Variants in DST observed in about 807,000 individuals in gnomAD.
The protein encoded by DST is bullous pemphigoid antigen.
DST carries 253 observed loss-of-function variants against 875.2 expected under a neutral mutation model. The ratio of observed to expected loss-of-function variants is 0.29; its 90% CI spans 0.26 to 0.32. The LOEUF is 0.32. DST is among the 10% of genes least tolerant of loss of function. DST has a pLI of 1.00. For missense variants in DST, 8,287 were observed against 9,111.6 expected (o/e 0.91, Z 3.68); for synonymous variants, 3,124 against 3,197.1 (o/e 0.98, Z 0.77).
intron 66 of DST, among the ~76,000 whole-genome samples, chr6:56,529,184 T>C (rs1005686853): frequency 2.6e-5 from 4 of 152,222 alleles, no homozygotes; most frequent in Admixed American, 6.5e-5. Flanking sequence ...ATGGGCTTTG[T>C]GGACATACTG....
Position 56,916,811 on chromosome 6 carries a change from C to G in DST, c.217-16190G>C, listed in dbSNP as rs532843976. Among the ~76,000 whole-genome samples, 38 of 149,508 alleles carry G rather than the reference C, an allele frequency of 2.5e-4. 2 individuals are homozygous for G. The South Asian group carries it at 8.2e-3, about 32-fold the overall frequency. ...ACACACACACACACACACACACACA[C>G]ACACACACACACAGAGAGACAGAGA... On this transcript the variant is annotated intron_variant, in intron 2 of 103. Coordinates refer to ENST00000680361, the MANE Select transcript of DST (RefSeq NM_001374736.1).
intron 9 of DST, among the ~76,000 whole-genome samples, chr6:56,687,809 G>A (rs936928494): frequency 6.6e-6 from 1 of 150,624 alleles, no homozygotes; most frequent in East Asian, 1.9e-4. Flanking sequence ...GTGTGAAAAT[G>A]CTTCACAAAA....
chr6:56,544,128 T>G (rs531593934), intron 61 of DST, among the ~76,000 whole-genome samples: 1 of 152,312 alleles, frequency 6.6e-6, no homozygotes, highest in Admixed American at 6.5e-5. Context: ...AAGGCACTGA[T>G]AAGAGAAAGA....
In DST at chr6:56,501,600, C is replaced by T; in HGVS notation, c.19660G>A (p.Asp6554Asn). The T allele has an allele frequency of 6.2e-7, 1 of 1,609,018 alleles. No individual in the cohort carries two copies. Among genetic ancestry groups the T allele is most frequent in the Non-Finnish European group, 8.5e-7 (1 of 1,177,758 alleles). Residue 6554 changes from aspartate (D) to asparagine (N), a missense_variant, in exon 79 of 104, where the codon GAC becomes AAC. By Grantham distance (23) the Asp-to-Asn change is conservative (BLOSUM62 1). Around this residue, in one of 10 missense-constraint regions of DST, gnomAD observed 1,292 missense variants for 1,552.7 expected, o/e 0.83. Coordinates refer to ENST00000680361, the MANE Select transcript of DST (RefSeq NM_001374736.1). ...LLLKKVTEES[D>N]KHTVQDPLME... ...AATGGGTCTTGAACAGTGTGTTTGT[C>T]ACTCTCTTCTGTTACTTTCTTTAGC...
At position 56,779,565 on chromosome 6, in the gene DST, GGT is replaced by G. The variant is rs2099687545; in HGVS notation, c.626-44278_626-44277del. Among the ~76,000 whole-genome samples the G allele has an allele frequency of 3.3e-5, 5 of 151,980 alleles. No homozygotes were observed. In the South Asian group the frequency reaches 1.0e-3, roughly 32 times the overall value. ...CCATCTTGAATTAATTTTTGTATAA[GGT>G]GTAAGGAAGGGATCCAGTTTCAGCT... On this transcript the variant is annotated intron_variant, in intron 4 of 103. Transcript: ENST00000680361.
intron 72 of DST, 107 bp from the exon 73 acceptor site, chr6:56,511,507 T>TC: frequency 3.5e-6 from 3 of 849,456 alleles, no homozygotes; most frequent in Non-Finnish European, 5.5e-6. Flanking sequence ...AACAAACCCC[T>TC]CCCCATCACA....
At chr6:56,483,220 A>G (rs1206641697) in intron 88 of DST, among the ~76,000 whole-genome samples, 1 of 152,202 alleles carries the variant, frequency 6.6e-6, no homozygotes, top group Non-Finnish European at 1.5e-5. Flanking sequence ...TCCTTTTCTT[A>G]ATGATTCTTT....
intron 36 of DST, chr6:56,616,721 A>T: frequency 6.2e-7 from 1 of 1,614,196 alleles, no homozygotes; most frequent in Non-Finnish European, 8.5e-7. Context: ...CCCACTGGCA[A>T]TCTGGGCTTC....
intron 9 of DST, chr6:56,693,229 T>G (rs1170556813): frequency 2.5e-6 from 3 of 1,204,694 alleles, no homozygotes. Context: ...CCATTAAGTC[T>G]GAAAATTCCA....
At chr6:56,934,071 T>A (rs917017115) in intron 2 of DST, among the ~76,000 whole-genome samples, 5 of 152,140 alleles carry the variant, frequency 3.3e-5, no homozygotes. Flanking sequence ...CTCACCATGC[T>A]GCTCAGGCTG....
At chr6:56,496,951 G>A (rs1031912480) in intron 82 of DST, among the ~76,000 whole-genome samples, 1 of 151,996 alleles carries the variant, frequency 6.6e-6, no homozygotes, top group African/African-American at 2.4e-5. Context: ...ACTCATAGGT[G>A]GGAACTGAAC....
chr6:56,651,556 A>G (rs2098975928), intron 10 of DST, among the ~76,000 whole-genome samples: 1 of 152,250 alleles, frequency 6.6e-6, no homozygotes, highest in South Asian at 2.1e-4. Context: ...CGCTACTCCA[A>G]CAGCATCTTT....
At chr6:56,578,724 T>C in intron 50 of DST, 90 bp downstream of exon 50, 1 of 1,353,942 alleles carries the variant, frequency 7.4e-7, no homozygotes, top group Admixed American at 2.0e-5. Context: ...ACACAATCTA[T>C]AACTAGTGAA....
intron 4 of DST, among the ~76,000 whole-genome samples, chr6:56,790,786 T>C (rs184583471): frequency 1.3e-5 from 2 of 152,328 alleles, no homozygotes; most frequent in Admixed American, 6.5e-5. Context: ...CAGTTTGTAC[T>C]GGACCATAAA....
intron 2 of DST, among the ~76,000 whole-genome samples, chr6:56,919,558 A>C (rs1473741908): frequency 6.6e-6 from 1 of 152,188 alleles, no homozygotes; most frequent in East Asian, 1.9e-4. Context: ...AAGAACCCTA[A>C]GTACCTATCA....
At chr6:56,844,285 G>A (rs2099804556) in intron 4 of DST, among the ~76,000 whole-genome samples, 1 of 152,282 alleles carries the variant, frequency 6.6e-6, no homozygotes, top group Admixed American at 6.5e-5. Flanking sequence ...CCCGGCCGCC[G>A]CGAGGCTGCC....
chr6:56,546,377 T>TATATAA (rs2152543044), intron 61 of DST, among the ~76,000 whole-genome samples: 1 of 134,448 alleles, frequency 7.4e-6, no homozygotes, highest in East Asian at 2.3e-4. Flanking sequence ...TATATATATA[T>TATATAA]ATATATATAT....
At position 56,601,533 on chromosome 6, in the gene DST, C is replaced by T; in HGVS notation, c.11451G>A (p.Lys3817=). The stretch of plus-strand genomic sequence containing the variant: ...CTGACTCCTGTACATCAAGAAAACA[C>T]TTCTGAGTTGTATTTAAGAGCCTCA... ...QLLRLLNTTQ[K]CFLDVQESVT... The change falls in exon 44 of 104, where the codon AAG becomes AAA. Residue 3817 remains lysine (K), a synonymous_variant. Coordinates refer to ENST00000680361, the MANE Select transcript of DST (RefSeq NM_001374736.1). The T allele has an allele frequency of 6.2e-7, 1 of 1,606,110 alleles. No homozygotes were observed. The highest frequency in any genetic ancestry group is 8.5e-7 in the Non-Finnish European group (1 of 1,176,452).
rs570042320 is a variant in DST at position 56,621,826 on chromosome 6, T to A, written c.4929+2704A>T. Among the ~76,000 whole-genome samples, 9 of 152,342 alleles carry A rather than the reference T, an allele frequency of 5.9e-5. No individual in the cohort carries two copies. The South Asian group carries it at 1.7e-3, about 28-fold the overall frequency. ...GAAATTATTTTAGACAGATTTGTTTTCATTGAGAAGCTTTGGTGAATTTCA... is the reference window on the plus strand; with the variant it reads ...GAAATTATTTTAGACAGATTTGTTTACATTGAGAAGCTTTGGTGAATTTCA... On this transcript the variant is annotated intron_variant, in intron 36 of 103. Coordinates refer to ENST00000680361, the MANE Select transcript of DST (RefSeq NM_001374736.1).
Sources: gnomAD v4.1 joint callset for allele counts (sites outside exome capture counted in the v4.1 genomes callset) on GRCh38, gnomAD v4.1.1 for gene constraint, gnomAD v4.1.1 regional missense constraint, MANE v1.5 for transcripts, NCBI Gene and HGNC (gene_info 2026-07-23, HGNC 2026-07-21) for gene names.